Variants in REEP2 observed in about 807,000 individuals in gnomAD.
REEP2 encodes receptor accessory protein 2, also known as receptor expression-enhancing protein 2.
A neutral mutation model predicts 32.1 loss-of-function variants in REEP2; 9 were observed. That is an observed-to-expected ratio of 0.28 (90% CI 0.17 to 0.49). The LOEUF is 0.49. Among genes scored for constraint, REEP2 ranks in the 20% least tolerant of loss-of-function variants. REEP2 has a pLI of 0.99. For missense variants in REEP2, 236 were observed against 338.0 expected (o/e 0.70, Z 2.37); for synonymous variants, 128 against 139.1 (o/e 0.92, Z 0.56).
chr5:138,445,119 A>G lies in REEP2; in HGVS notation c.418-109A>G, dbSNP rs186628033. ...TCTGTCTGTGTGGGACTGGGTGAGG[A>G]CAGTGTGGGGAGGGCACCGAGCCTG... is the stretch of plus-strand genomic sequence containing the variant. On this transcript the variant is annotated intron_variant, in intron 5 of 7. Transcript: ENST00000378339. 9.0e-5 allele frequency: 111 copies of G among 1,236,274 alleles called. No individual in the cohort carries two copies. The East Asian group carries it at 1.2e-3, about 13-fold the overall frequency. 76.6% of individuals were successfully genotyped at this position (1,236,274 alleles called of 1,614,324 possible).
chr5:138,439,059 C>G lies in REEP2; in HGVS notation c.-150C>G, dbSNP rs1297353898. ...GCAGGGACCTCCCCTTTAACGGCGGCGCTGGGCGCTCCGCTGCCCCCGCGG... is the reference window on the plus strand; with the variant it reads ...GCAGGGACCTCCCCTTTAACGGCGGGGCTGGGCGCTCCGCTGCCCCCGCGG... On this transcript the variant is annotated 5_prime_UTR_variant, in exon 1 of 8. Transcript: ENST00000378339. 2 of 232,296 alleles carry G rather than the reference C, an allele frequency of 8.6e-6. No individual in the cohort carries two copies. Among genetic ancestry groups the G allele is most frequent in the Non-Finnish European group, 1.5e-5 (2 of 130,172 alleles). 14.4% of individuals were successfully genotyped at this position (232,296 alleles called of 1,614,324 possible).
rs1763926410 is a variant in REEP2 at position 138,446,047 on chromosome 5, C to T, written c.*296C>T. 2 of 435,100 alleles carry T rather than the reference C, an allele frequency of 4.6e-6. No individual in the cohort carries two copies. Among genetic ancestry groups the T allele is most frequent in the Admixed American group, 4.0e-5 (1 of 25,088 alleles). The allele number at this position is 435,100 out of a possible 1,614,324, so 27.0% of individuals were successfully genotyped here. A position where few individuals can be genotyped will look rare whatever the true frequency, so the allele number is the denominator to read the frequency against. ...GCTGTTCCGCTGCAGCCCCGCCCTG[C>T]CCCACCCACCCAGTGCCTTGCTGAA... On this transcript the variant is annotated 3_prime_UTR_variant, in exon 8 of 8. Transcript: ENST00000378339.
In REEP2 at chr5:138,441,107, AC is replaced by A. The variant is rs1182433172; in HGVS notation, c.105+24del. 2.5e-6 allele frequency: 4 copies of A among 1,612,730 alleles called. No individual in the cohort carries two copies. The highest frequency in any genetic ancestry group is 3.4e-6 in the Non-Finnish European group (4 of 1,179,812). On this transcript the variant is annotated intron_variant, in intron 2 of 7. Transcript: ENST00000378339. The surrounding 1 kb of genome is among the most constrained non-coding windows in gnomAD (Gnocchi z 4.4). ...GGAATATGTGAGTGGATGACCCTTC[AC>A]CCCCTACCCAACCCACATGGCACAG...
rs1235205364 is a variant in REEP2, at chr5:138,441,340, C to T, written c.106-45C>T. 8 of 1,549,312 alleles carry T rather than the reference C, an allele frequency of 5.2e-6. No homozygotes were observed. The highest frequency in any genetic ancestry group is 7.1e-6 in the Non-Finnish European group (8 of 1,121,042). On this transcript the variant is annotated intron_variant, in intron 2 of 7. Transcript: ENST00000378339. The surrounding 1 kb of genome is among the most constrained non-coding windows in gnomAD (Gnocchi z 4.4). ...GAGCTGGGGTCCTGGGTGTCCCTGG[C>T]CCCTCAGCCCCGTGCCCCAGCCAGC...
rs1763819480 is a variant in REEP2, at chr5:138,441,300, C to T, written c.106-85C>T. The stretch of plus-strand genomic sequence containing the variant: ...TCCTTGGTGTTCTCCCCAGCCCAGG[C>T]ATGTTCAACAGGCAGAGCTGGGGTC... On this transcript the variant is annotated intron_variant, in intron 2 of 7. Transcript: ENST00000378339. This position sits in a 1 kb window ranked among gnomAD's most constrained non-coding sequence, Gnocchi z 4.4. The T allele has an allele frequency of 6.6e-6, 9 of 1,359,904 alleles. No homozygotes were observed. The East Asian group carries it at 2.1e-4, about 31-fold the overall frequency. 84.2% of individuals were successfully genotyped at this position (1,359,904 alleles called of 1,614,324 possible).
At position 138,445,956 on chromosome 5, in the gene REEP2, G is replaced by T; in HGVS notation, c.*205G>T. 2 of 606,526 alleles carry T rather than the reference G, an allele frequency of 3.3e-6. 1 individual carries two copies. The highest frequency in any genetic ancestry group is 4.1e-5 in the South Asian group (2 of 48,646). The allele number at this position is 606,526 out of a possible 1,614,324, so 37.6% of individuals were successfully genotyped here. On this transcript the variant is annotated 3_prime_UTR_variant, in exon 8 of 8. Coordinates refer to ENST00000378339, the MANE Select transcript of REEP2 (RefSeq NM_001271803.2). Reference sequence around the variant, plus strand: ...GGAGGCCCAGCTGTGGGGGTTGAGGGTAGAGGGTGGACCAGAGGCTGAGGA... The same window carrying T: ...GGAGGCCCAGCTGTGGGGGTTGAGGTTAGAGGGTGGACCAGAGGCTGAGGA...
chr5:138,439,872 C>A (rs990568562), intron 1 of REEP2: 8 of 412,918 alleles, frequency 1.9e-5, no homozygotes, highest in African/African-American at 8.1e-5. Context: ...GATTGTGGAC[C>A]CCGCTGGGGG....
intron 3 of REEP2, among the ~76,000 whole-genome samples, chr5:138,442,143 C>T (rs1316080412): frequency 6.6e-6 from 1 of 152,174 alleles, no homozygotes; most frequent in Non-Finnish European, 1.5e-5. Context: ...ATTTCCAAGG[C>T]ATTTTCCAGG....
intron 3 of REEP2, 96 bp from the exon 4 acceptor site, chr5:138,444,319 G>A (rs1165334583): frequency 4.8e-6 from 7 of 1,444,442 alleles, no homozygotes; most frequent in Non-Finnish European, 6.6e-6. Flanking sequence ...TAAGAGTGAG[G>A]GGCTGTGCAG....
chr5:138,446,120 C>T lies in REEP2; in HGVS notation c.*369C>T, dbSNP rs1052155259. 1.9e-5 allele frequency: 4 copies of T among 207,734 alleles called. No individual in the cohort carries two copies. The highest frequency in any genetic ancestry group is 1.6e-4 in the Admixed American group (3 of 19,068). The allele number at this position is 207,734 out of a possible 1,614,324, so 12.9% of individuals were successfully genotyped here. ...GAGGTCCTGTCGTGTTTCCACTGCTCGCCTTGGTTTGGGAGCAGGGAGGGG... is the reference window on the plus strand; with the variant it reads ...GAGGTCCTGTCGTGTTTCCACTGCTTGCCTTGGTTTGGGAGCAGGGAGGGG... On this transcript the variant is annotated 3_prime_UTR_variant, in exon 8 of 8. Transcript: ENST00000378339.
At position 138,445,586 on chromosome 5, in the gene REEP2, G is replaced by A. The variant is rs373069993; in HGVS notation, c.684G>A (p.Ala228=). The change falls in exon 7 of 8, where the codon GCG becomes GCA. Residue 228 remains alanine, a synonymous_variant. Transcript: ENST00000378339. The part of the protein sequence containing the change: ...APKRAKPIKK[A]PKAEPLASKT... Reference sequence around the variant, plus strand: ...AGAGGGCCAAACCCATCAAAAAAGCGCCCAAAGCTGAGGTGAGGGCACTGG... The same window carrying A: ...AGAGGGCCAAACCCATCAAAAAAGCACCCAAAGCTGAGGTGAGGGCACTGG... 9.2e-5 allele frequency: 148 copies of A among 1,614,204 alleles called. No individual in the cohort carries two copies. The highest frequency in any genetic ancestry group is 1.6e-4 in the South Asian group (15 of 91,082).
chr5:138,439,423 C>T (rs975977686), intron 1 of REEP2, among the ~76,000 whole-genome samples, 183 bp downstream of exon 1: 1 of 152,148 alleles, frequency 6.6e-6, no homozygotes, highest in Admixed American at 6.5e-5. Flanking sequence ...ATTAGGGGAG[C>T]GTGGCAGGCC....
chr5:138,443,227 A>AG lies in REEP2; in HGVS notation c.183-1181dup, dbSNP rs200715004. Reference sequence around the variant, plus strand: ...ATAATCACAGCACTTTGGGAGGCCAAGGGGGGGCAGATCACCTGAGGTCAG... The same window carrying AG: ...ATAATCACAGCACTTTGGGAGGCCAAGGGGGGGGCAGATCACCTGAGGTCAG... On this transcript the variant is annotated intron_variant, in intron 3 of 7. Coordinates refer to ENST00000378339, the MANE Select transcript of REEP2 (RefSeq NM_001271803.2). Among the ~76,000 whole-genome samples the AG allele has an allele frequency of 3.1e-3, 471 of 152,036 alleles. 6 individuals carry two copies. The highest frequency in any genetic ancestry group is 0.014 in the Middle Eastern group (4 of 294).
Position 138,441,225 on chromosome 5 carries a change from C to T in REEP2, c.105+137C>T. On this transcript the variant is annotated intron_variant, in intron 2 of 7. Transcript: ENST00000378339. The surrounding 1 kb of genome is among the most constrained non-coding windows in gnomAD (Gnocchi z 4.4). ...CAAGACCCACCAGCAAAGGAGGGCC[C>T]TGGGTGTCCCACACAGCGCCTCCAA... The T allele has an allele frequency of 5.2e-6, 7 of 1,342,052 alleles. No homozygotes were observed. The highest frequency in any genetic ancestry group is 7.4e-6 in the Non-Finnish European group (7 of 949,264). 83.1% of individuals were successfully genotyped at this position (1,342,052 alleles called of 1,614,324 possible).
At chr5:138,445,643 G>A (rs373417420) in intron 7 of REEP2, 40 bp from the exon 8 acceptor site, 110 of 1,613,980 alleles carry the variant, frequency 6.8e-5, no homozygotes, top group South Asian at 4.7e-4. Context: ...AGGGGGTGGC[G>A]GCTCCAGGCT....
chr5:138,441,745 T>G lies in REEP2; in HGVS notation c.182+284T>G, dbSNP rs913455770. Among the ~76,000 whole-genome samples the G allele has an allele frequency of 1.3e-5, 2 of 151,762 alleles. No homozygotes were observed. Among genetic ancestry groups the G allele is most frequent in the African/African-American group, 4.8e-5 (2 of 41,276 alleles). ...TTTGAGACCAGCCTGGCCAACATGG[T>G]GAAACCCCGTCTCCACTAAAAATAC... On this transcript the variant is annotated intron_variant, in intron 3 of 7. Transcript: ENST00000378339. The surrounding 1 kb of genome is among the most constrained non-coding windows in gnomAD (Gnocchi z 4.4).
intron 5 of REEP2, 141 bp from the exon 6 acceptor site, chr5:138,445,087 C>T (rs1763900439): frequency 9.8e-7 from 1 of 1,019,742 alleles, no homozygotes. Context: ...CTGCCCCAGC[C>T]CTCAGCTCTG....
Position 138,439,134 on chromosome 5 carries a change from C to A in REEP2, c.-75C>A. Reference sequence around the variant, plus strand: ...CTACTGCGGCTCCTGCTGCCGCCGCCGCCGCCGCTCGGCCTCAGGCAGCTG... The same window carrying A: ...CTACTGCGGCTCCTGCTGCCGCCGCAGCCGCCGCTCGGCCTCAGGCAGCTG... On this transcript the variant is annotated 5_prime_UTR_variant, in exon 1 of 8. Coordinates refer to ENST00000378339, the MANE Select transcript of REEP2 (RefSeq NM_001271803.2). The A allele has an allele frequency of 2.0e-6, 2 of 988,320 alleles. No individual in the cohort carries two copies. Among genetic ancestry groups the A allele is most frequent in the South Asian group, 4.8e-5 (1 of 20,736 alleles). The allele number at this position is 988,320 out of a possible 1,614,324, so 61.2% of individuals were successfully genotyped here.
At chr5:138,440,181 G>C (rs1763796034) in intron 1 of REEP2, among the ~76,000 whole-genome samples, 1 of 152,204 alleles carries the variant, frequency 6.6e-6, no homozygotes, top group Admixed American at 6.5e-5. Context: ...CCACCGTTGG[G>C]GACTGACACC....
Sources: allele counts gnomAD v4.1 joint callset (sites outside exome capture counted in the v4.1 genomes callset), GRCh38; gene constraint gnomAD v4.1.1; non-coding constraint Gnocchi (gnomAD v3.1); transcripts MANE v1.5; gene names NCBI Gene and HGNC (gene_info 2026-07-23, HGNC 2026-07-21).